UGT2A2: variants seen among roughly 807,000 people sequenced by gnomAD.
UGT2A2 encodes UDP-glucuronosyltransferase 2A2.
UGT2A2 carries 60 observed loss-of-function variants against 50.7 expected under a neutral mutation model. The ratio of observed to expected loss-of-function variants is 1.18; its 90% CI spans 0.96 to 1.47. The LOEUF (loss-of-function observed/expected upper bound fraction) is 1.47. UGT2A2 is among the 40% of genes most tolerant of loss of function. UGT2A2 has a pLI of 0.00. For synonymous variants in UGT2A2, 242 were observed against 214.6 expected (o/e 1.13, Z -1.11); for missense variants, 762 against 634.0 (o/e 1.20, Z -2.17).
At chr4:69,595,872 C>T (rs1202006769) in intron 3 of UGT2A2, among the ~76,000 whole-genome samples, 1 of 152,050 alleles carries the variant, frequency 6.6e-6, no homozygotes, top group East Asian at 1.9e-4. Context: ...ATAATTTCTC[C>T]CTGCTTTGTG....
intron 1 of UGT2A2, among the ~76,000 whole-genome samples, chr4:69,605,749 C>T (rs924500031): frequency 5.9e-5 from 8 of 136,084 alleles, no homozygotes; most frequent in Admixed American, 2.9e-4. Flanking sequence ...ATATCACCAC[C>T]GATCCCACAG....
rs1048129101 is a variant in UGT2A2, at chr4:69,603,998, A to G, written c.743-4604T>C. Among the ~76,000 whole-genome samples, 3 of 137,110 alleles carry G rather than the reference A, an allele frequency of 2.2e-5. 1 individual carries two copies. In the South Asian group the frequency reaches 7.1e-4, roughly 33 times the overall value. The allele number at this position is 137,110 out of a possible 152,430, so 89.9% of individuals were successfully genotyped here. A position where few individuals can be genotyped will look rare whatever the true frequency, so the allele number is the denominator to read the frequency against. ...ACCAAGTTGGAAAACACTCTGCAGG[A>G]TATTATCCAGTAGAACCTCCCCAGT... On this transcript the variant is annotated intron_variant, in intron 1 of 5. Transcript: ENST00000604629.
intron 1 of UGT2A2, among the ~76,000 whole-genome samples, chr4:69,624,790 T>C (rs145410263): frequency 6.6e-6 from 1 of 151,488 alleles, no homozygotes; most frequent in East Asian, 1.9e-4. Flanking sequence ...TAAATATCTG[T>C]AGTTATCATT....
chr4:69,590,638 AGTGT>A (rs4148321), intron 5 of UGT2A2, among the ~76,000 whole-genome samples: 150 of 150,282 alleles, frequency 1.0e-3, no homozygotes, highest in African/African-American at 3.2e-3. Flanking sequence ...ACATGTGTTG[AGTGT>A]GTGTGTGTGT....
At chr4:69,637,415 T>C (rs1721772299) in intron 1 of UGT2A2, among the ~76,000 whole-genome samples, 1 of 152,276 alleles carries the variant, frequency 6.6e-6, no homozygotes, top group South Asian at 2.1e-4. Flanking sequence ...AAATACCCCT[T>C]GTGAAAGGTA....
chr4:69,598,807 C>A (rs1233869267), intron 2 of UGT2A2, among the ~76,000 whole-genome samples: 1 of 151,940 alleles, frequency 6.6e-6, no homozygotes. Flanking sequence ...ATTTCATTGT[C>A]TTTCTTCAAT....
At chr4:69,617,622 T>C (rs1577974297) in intron 1 of UGT2A2, among the ~76,000 whole-genome samples, 3 of 151,766 alleles carry the variant, frequency 2.0e-5, no homozygotes, top group Non-Finnish European at 4.4e-5. Flanking sequence ...AAAATAATGA[T>C]ATAAATACAT....
intron 5 of UGT2A2, 52 bp downstream of exon 5, chr4:69,594,425 T>C: frequency 6.3e-7 from 1 of 1,589,266 alleles, no homozygotes; most frequent in Non-Finnish European, 8.6e-7. Context: ...TTTCTGGTAT[T>C]ATGAATAATG....
intron 1 of UGT2A2, among the ~76,000 whole-genome samples, chr4:69,621,301 A>G (rs1720740591): frequency 6.6e-6 from 1 of 152,108 alleles, no homozygotes; most frequent in Non-Finnish European, 1.5e-5. Flanking sequence ...CAAACTTACA[A>G]GAAAGAAACA....
chr4:69,618,186 C>A (rs1453074954), intron 1 of UGT2A2, among the ~76,000 whole-genome samples: 1 of 51,148 alleles, frequency 2.0e-5, no homozygotes, highest in Non-Finnish European at 3.9e-5. Flanking sequence ...GGCCAGTAAG[C>A]ATGTGTGTGT....
At chr4:69,590,713 G>A (rs1405283817) in intron 5 of UGT2A2, among the ~76,000 whole-genome samples, 1 of 151,976 alleles carries the variant, frequency 6.6e-6, no homozygotes, top group Non-Finnish European at 1.5e-5. Flanking sequence ...ATTTCACATG[G>A]ATCATCCGAA....
chr4:69,608,248 T>G (rs1271906843), intron 1 of UGT2A2, among the ~76,000 whole-genome samples: 8 of 152,152 alleles, frequency 5.3e-5, no homozygotes, highest in Non-Finnish European at 7.4e-5. Flanking sequence ...CCATAAAAAA[T>G]GATGAGTTCA....
intron 1 of UGT2A2, among the ~76,000 whole-genome samples, chr4:69,635,133 A>T (rs1022781719): frequency 9.9e-5 from 15 of 152,204 alleles, no homozygotes; most frequent in African/African-American, 3.1e-4. Flanking sequence ...AAATAAAAAT[A>T]AATTTAAAAA....
chr4:69,606,246 CTGG>C (rs1719605013), intron 1 of UGT2A2, among the ~76,000 whole-genome samples: 1 of 136,186 alleles, frequency 7.3e-6, no homozygotes. Context: ...GGCTTCATCC[CTGG>C]GACGCAAGGC....
chr4:69,614,091 C>G (rs1415187643), intron 1 of UGT2A2, among the ~76,000 whole-genome samples: 1 of 128,962 alleles, frequency 7.8e-6, no homozygotes, highest in Non-Finnish European at 1.7e-5. Flanking sequence ...AACAACCTCA[C>G]CAAAAACTGT....
intron 1 of UGT2A2, among the ~76,000 whole-genome samples, chr4:69,631,241 G>A (rs1205352074): frequency 6.6e-6 from 1 of 151,984 alleles, no homozygotes; most frequent in African/African-American, 2.4e-5. Flanking sequence ...AGTTAAGTGG[G>A]CTTTGGAGGT....
intron 2 of UGT2A2, among the ~76,000 whole-genome samples, chr4:69,596,712 G>T (rs1179751041): frequency 6.6e-6 from 1 of 152,104 alleles, no homozygotes; most frequent in Admixed American, 6.5e-5. Flanking sequence ...AGTAGAGATG[G>T]TGTTTCACCA....
In UGT2A2 at chr4:69,595,068, A is replaced by C. The variant is rs1431937329; in HGVS notation, c.1111+94T>G. ...AATTGAGTGTCAAATAACATTTTAA[A>C]TTATTAAAAATGTATTGAATTTATT... is the stretch of plus-strand genomic sequence containing the variant. On this transcript the variant is annotated intron_variant, in intron 4 of 5. Transcript: ENST00000604629. The C allele has an allele frequency of 2.0e-6, 3 of 1,470,584 alleles. No homozygotes were observed. The African/African-American group carries it at 4.2e-5, about 21-fold the overall frequency. 91.1% of individuals were successfully genotyped at this position (1,470,584 alleles called of 1,614,324 possible).
intron 1 of UGT2A2, among the ~76,000 whole-genome samples, chr4:69,612,228 T>A (rs964563663): frequency 6.6e-6 from 1 of 152,026 alleles, no homozygotes; most frequent in African/African-American, 2.4e-5. Flanking sequence ...AATATTAGAA[T>A]TATTTGAAAT....
Sources: allele counts gnomAD v4.1 joint callset (sites outside exome capture counted in the v4.1 genomes callset), GRCh38; gene constraint gnomAD v4.1.1; transcripts MANE v1.5; gene names NCBI Gene and HGNC (gene_info 2026-07-23, HGNC 2026-07-21).